The following ACOXL variants were observed in gnomAD, a reference collection of about 807,000 sequenced individuals.
The protein encoded by ACOXL is acyl-coenzyme A oxidase-like protein.
A neutral mutation model predicts 71.9 loss-of-function variants in ACOXL; 70 were observed. The ratio of observed to expected loss-of-function variants is 0.97; its 90% CI spans 0.80 to 1.19. ACOXL has a LOEUF of 1.19. Among genes scored for constraint, ACOXL ranks in the 50% most tolerant of loss-of-function variants. ACOXL has a pLI of 0.00. For missense variants in ACOXL, 703 were observed against 736.3 expected, an observed-to-expected ratio of 0.95 and a Z score of 0.52; for synonymous variants, 253 against 281.6, an observed-to-expected ratio of 0.90 and a Z score of 1.02.
intron 12 of ACOXL, among the ~76,000 whole-genome samples, chr2:110,981,989 C>A (rs2062725411): frequency 6.6e-6 from 1 of 152,212 alleles, no homozygotes; most frequent in Admixed American, 6.5e-5. Context: ...GAGACACCAA[C>A]AAGGTCCAGA....
At chr2:110,805,528 T>A in intron 9 of ACOXL, 133 bp downstream of exon 9, 1 of 1,278,368 alleles carries the variant, frequency 7.8e-7, no homozygotes, top group Non-Finnish European at 1.1e-6. Flanking sequence ...GGTTAGATGC[T>A]GGGGAGTGCC....
At chr2:110,898,042 C>G (rs2059084411) in intron 10 of ACOXL, among the ~76,000 whole-genome samples, 1 of 152,114 alleles carries the variant, frequency 6.6e-6, no homozygotes, top group Admixed American at 6.5e-5. Flanking sequence ...ACAACTCCCC[C>G]AATGTGTAAG....
At chr2:110,748,789 G>T (rs1678561737) in intron 1 of ACOXL, among the ~76,000 whole-genome samples, 1 of 152,182 alleles carries the variant, frequency 6.6e-6, no homozygotes, top group Non-Finnish European at 1.5e-5. Flanking sequence ...CGCCTTTGGG[G>T]ATTTGTTCTT....
At chr2:111,087,059 A>G (rs777710232) in intron 16 of ACOXL, among the ~76,000 whole-genome samples, 1 of 152,192 alleles carries the variant, frequency 6.6e-6, no homozygotes, top group Admixed American at 6.5e-5. Context: ...CACAATGGAC[A>G]CAAAAAGAAG....
At chr2:110,956,591 C>T (rs746152354) in intron 12 of ACOXL, among the ~76,000 whole-genome samples, 9 of 152,178 alleles carry the variant, frequency 5.9e-5, no homozygotes, top group South Asian at 2.1e-4. Flanking sequence ...CCACTGGGCA[C>T]GGTGGAGGTC....
intron 13 of ACOXL, 85 bp from the exon 14 acceptor site, chr2:110,995,808 A>G: frequency 9.2e-7 from 1 of 1,089,566 alleles, no homozygotes; most frequent in Non-Finnish European, 1.4e-6. Context: ...AAATAGTTTT[A>G]AAAAACAAAC....
intron 10 of ACOXL, among the ~76,000 whole-genome samples, chr2:110,842,403 C>T (rs1038335590): frequency 6.6e-6 from 1 of 152,068 alleles, no homozygotes; most frequent in Non-Finnish European, 1.5e-5. Flanking sequence ...TTTTCCTGGC[C>T]CATTGCTAGG....
chr2:110,736,619 CTTT>C (rs57507260), intron 1 of ACOXL, among the ~76,000 whole-genome samples: 18 of 113,196 alleles, frequency 1.6e-4, no homozygotes, highest in Admixed American at 2.6e-4. Flanking sequence ...TTTGATTACT[CTTT>C]TTTTTTTTTT....
intron 17 of ACOXL, among the ~76,000 whole-genome samples, chr2:111,105,628 T>C (rs2069484971): frequency 6.6e-6 from 1 of 152,176 alleles, no homozygotes; most frequent in Non-Finnish European, 1.5e-5. Flanking sequence ...ATTACTATTA[T>C]ATGGAAATAA....
At chr2:110,830,661 G>C (rs925855780) in intron 9 of ACOXL, among the ~76,000 whole-genome samples, 1 of 151,970 alleles carries the variant, frequency 6.6e-6, no homozygotes, top group Non-Finnish European at 1.5e-5. Flanking sequence ...AGCCTCCCGA[G>C]TAGCTGGGAC....
intron 11 of ACOXL, among the ~76,000 whole-genome samples, chr2:110,926,119 A>G (rs935867804): frequency 2.0e-5 from 3 of 152,152 alleles, no homozygotes; most frequent in Non-Finnish European, 2.9e-5. Flanking sequence ...AACGATTACA[A>G]TAGTAACATC....
At chr2:110,799,483 G>T (rs1007610325) in intron 7 of ACOXL, among the ~76,000 whole-genome samples, 1 of 152,130 alleles carries the variant, frequency 6.6e-6, no homozygotes, top group East Asian at 1.9e-4. Flanking sequence ...CCCTTAATGA[G>T]TCCTGAGGAC....
intron 17 of ACOXL, among the ~76,000 whole-genome samples, chr2:111,114,727 G>A (rs2070226180): frequency 2.0e-5 from 3 of 151,984 alleles, no homozygotes; most frequent in South Asian, 4.1e-4. Flanking sequence ...GGACTGCAAA[G>A]CTTAGTCACT....
chr2:110,890,814 G>A (rs553404842), intron 10 of ACOXL, among the ~76,000 whole-genome samples: 4 of 152,026 alleles, frequency 2.6e-5, no homozygotes, highest in Admixed American at 6.5e-5. Flanking sequence ...ATTCCCATGT[G>A]AATTTCGGTA....
chr2:111,085,274 A>G (rs2068150315), intron 16 of ACOXL, among the ~76,000 whole-genome samples: 1 of 152,200 alleles, frequency 6.6e-6, no homozygotes, highest in Non-Finnish European at 1.5e-5. Context: ...AACAGAAGAT[A>G]CATTCATCTC....
chr2:111,109,612 G>C (rs1053895899), intron 17 of ACOXL, among the ~76,000 whole-genome samples: 3 of 145,204 alleles, frequency 2.1e-5, no homozygotes, highest in African/African-American at 7.6e-5. Flanking sequence ...TTTCTTAGGA[G>C]TTACATTTAT....
chr2:110,756,128 G>C (rs1360359450), intron 1 of ACOXL, among the ~76,000 whole-genome samples: 1 of 151,926 alleles, frequency 6.6e-6, no homozygotes, highest in Non-Finnish European at 1.5e-5. Context: ...TTTTCTTAAG[G>C]CCTCTTTTTT....
intron 10 of ACOXL, among the ~76,000 whole-genome samples, chr2:110,881,172 C>A (rs930342980): frequency 2.0e-5 from 3 of 151,286 alleles, no homozygotes; most frequent in Admixed American, 6.6e-5. Context: ...TGTATATATA[C>A]ACACATATAT....
chr2:111,003,855 A>T (rs1362930308), intron 14 of ACOXL, among the ~76,000 whole-genome samples: 1 of 152,196 alleles, frequency 6.6e-6, no homozygotes. Flanking sequence ...GATTTTGAAA[A>T]TATGCTCTTG....
Sources: gnomAD v4.1 joint callset for allele counts (sites outside exome capture counted in the v4.1 genomes callset) on GRCh38, gnomAD v4.1.1 for gene constraint, MANE v1.5 for transcripts, NCBI Gene and HGNC (gene_info 2026-07-23, HGNC 2026-07-21) for gene names.